The following PNPLA7 variants were observed in gnomAD, a reference collection of about 807,000 sequenced individuals.
The protein encoded by PNPLA7 is patatin like domain 7, lysophospholipase.
In PNPLA7, 153 loss-of-function variants were observed where a neutral mutation model predicts 161.7. The ratio of observed to expected loss-of-function variants is 0.95; its 90% CI spans 0.83 to 1.08. The LOEUF is 1.08. Ranked by LOEUF, PNPLA7 falls within the 50% of genes least tolerant of loss-of-function variation. The pLI, the probability that PNPLA7 is intolerant of heterozygous loss-of-function variation, is 0.00. For missense variants in PNPLA7, 1,739 were observed against 1,856.6 expected, an observed-to-expected ratio of 0.94 and a Z score of 1.16; for synonymous variants, 809 against 782.1, an observed-to-expected ratio of 1.03 and a Z score of -0.57.
rs1038487208 is a variant in PNPLA7 at position 137,478,539 on chromosome 9, G to A, written c.2764-387C>T. On this transcript the variant is annotated intron_variant, in intron 24 of 34. Coordinates refer to ENST00000406427, the MANE Select transcript of PNPLA7 (RefSeq NM_001098537.3). Reference sequence around the variant, plus strand: ...TGGACAGAGCTGTGGGCTGGGGGCCGTGAGCATGAGCAGACTCCCCACACC... The same window carrying A: ...TGGACAGAGCTGTGGGCTGGGGGCCATGAGCATGAGCAGACTCCCCACACC... 4.2e-4 allele frequency: 79 copies of A among 186,360 alleles called. 1 individual carries two copies. Among genetic ancestry groups the A allele is most frequent in the Non-Finnish European group, 1.1e-4 (10 of 91,320 alleles). 11.5% of individuals were successfully genotyped at this position (186,360 alleles called of 1,614,324 possible).
intron 19 of PNPLA7, 74 bp from the exon 20 acceptor site, chr9:137,493,156 TCAA>T (rs1419703357): frequency 1.4e-6 from 2 of 1,475,010 alleles, no homozygotes; most frequent in East Asian, 4.5e-5. Context: ...ACAGTGATGC[TCAA>T]CAACAGCGAG....
At chr9:137,529,874 G>C (rs1272852317) in intron 8 of PNPLA7, among the ~76,000 whole-genome samples, 1 of 151,948 alleles carries the variant, frequency 6.6e-6, no homozygotes. Flanking sequence ...GACCAGGCTG[G>C]TGTGGAACTC....
rs1011944279 is a variant in PNPLA7, at chr9:137,486,406, A to C, written c.2198-1670T>G. Among the ~76,000 whole-genome samples, 3 of 152,194 alleles carry C rather than the reference A, an allele frequency of 2.0e-5. No homozygotes were observed. Among genetic ancestry groups the C allele is most frequent in the African/African-American group, 7.2e-5 (3 of 41,444 alleles). Reference sequence around the variant, plus strand: ...CCGGCAATCATGTGCTCACAGGAAAATAGCTGATGACGTGCTGCTGAGCAG... The same window carrying C: ...CCGGCAATCATGTGCTCACAGGAAACTAGCTGATGACGTGCTGCTGAGCAG... On this transcript the variant is annotated intron_variant, in intron 20 of 34. Coordinates refer to ENST00000406427, the MANE Select transcript of PNPLA7 (RefSeq NM_001098537.3). The surrounding 1 kb of genome is among the most constrained non-coding windows in gnomAD (Gnocchi z 6.0).
chr9:137,536,720 C>T (rs1002776176), intron 8 of PNPLA7, among the ~76,000 whole-genome samples: 2 of 152,208 alleles, frequency 1.3e-5, no homozygotes, highest in Admixed American at 6.5e-5. Flanking sequence ...CAGATGGGAA[C>T]GTAGCATGAG....
Position 137,515,605 on chromosome 9 carries a change from G to C in PNPLA7, c.1085-86C>G. ...CCCATTCGGGGCCACGCAGGGAGCA[G>C]GGTCCCCACAGTGCCCTGCGCACCT... On this transcript the variant is annotated intron_variant, in intron 11 of 34. Coordinates refer to ENST00000406427, the MANE Select transcript of PNPLA7 (RefSeq NM_001098537.3). 2.8e-6 allele frequency: 4 copies of C among 1,433,468 alleles called. No individual in the cohort carries two copies. In the South Asian group the frequency reaches 4.4e-5, roughly 16 times the overall value. The allele number at this position is 1,433,468 out of a possible 1,614,324, so 88.8% of individuals were successfully genotyped here. A position where few individuals can be genotyped will look rare whatever the true frequency, so the allele number is the denominator to read the frequency against.
rs531533493 is a variant in PNPLA7 at position 137,476,968 on chromosome 9, G to A, written c.2882+1066C>T. 9.9e-5 allele frequency among the ~76,000 whole-genome samples: 15 copies of A among 152,262 alleles called. No homozygotes were observed. Among genetic ancestry groups the A allele is most frequent in the Admixed American group, 1.3e-4 (2 of 15,288 alleles). ...ACAGGGCCCTGCCCTGGGGCCAGCAGAAGCATCCTCGAGGCCCTGGGGCCA... is the reference window on the plus strand; with the variant it reads ...ACAGGGCCCTGCCCTGGGGCCAGCAAAAGCATCCTCGAGGCCCTGGGGCCA... On this transcript the variant is annotated intron_variant, in intron 25 of 34. Coordinates refer to ENST00000406427, the MANE Select transcript of PNPLA7 (RefSeq NM_001098537.3). The surrounding 1 kb of genome is among the most constrained non-coding windows in gnomAD (Gnocchi z 4.5).
At chr9:137,513,499 C>T (rs1373099211) in intron 12 of PNPLA7, among the ~76,000 whole-genome samples, 3 of 150,508 alleles carry the variant, frequency 2.0e-5, no homozygotes, top group Non-Finnish European at 4.4e-5. Context: ...AATTAAAAAA[C>T]AGAAATAAAT....
chr9:137,496,009 C>T (rs756645960), intron 18 of PNPLA7, among the ~76,000 whole-genome samples: 6 of 152,142 alleles, frequency 3.9e-5, no homozygotes, highest in East Asian at 3.9e-4. Context: ...CCATCAGCCC[C>T]GGGCAAAACA....
At chr9:137,498,957 T>C (rs866950946) in intron 16 of PNPLA7, among the ~76,000 whole-genome samples, 1 of 151,710 alleles carries the variant, frequency 6.6e-6, no homozygotes, top group South Asian at 2.1e-4. Context: ...GGATCTGCTT[T>C]GCACAGGAGG....
At chr9:137,461,739 C>A (rs1297944069) in intron 32 of PNPLA7, 119 bp from the exon 33 acceptor site, 2 of 1,249,366 alleles carry the variant, frequency 1.6e-6, no homozygotes, top group African/African-American at 1.5e-5. Context: ...CGCCTGCCCC[C>A]CAAGTAAGGG....
In PNPLA7 at chr9:137,463,469, C is replaced by T; in HGVS notation, c.3289G>A (p.Asp1097Asn). ...ATCAGCAGGTGTCCGTCCTTCGGGT[C>T]ACAGAGAGGGGGCATGTAACCGGAC... Reference protein sequence around the residue: ...SLSGYMPPLCDPKDGHLLMDG... With the variant: ...SLSGYMPPLCNPKDGHLLMDG... The change falls in exon 29 of 35, where the codon GAC (aspartate) becomes AAC (asparagine). Residue 1097 changes from aspartate (D) to asparagine (N), a missense_variant. By Grantham distance (23) the Asp-to-Asn change is conservative. Coordinates refer to ENST00000406427, the MANE Select transcript of PNPLA7 (RefSeq NM_001098537.3). 6.3e-7 allele frequency: 1 copy of T among 1,595,834 alleles called. No individual in the cohort carries two copies. Among genetic ancestry groups the T allele is most frequent in the Admixed American group, 1.7e-5 (1 of 57,230 alleles).
Position 137,519,974 on chromosome 9 carries a change from A to AG in PNPLA7, c.1026dup (p.Tyr343LeufsTer8). ...TTTTTAAGCCGCTCTTCTTCGCCAT[A>AG]GAACACCTGCTTCTTGGCCTTCCCG... is the stretch of plus-strand genomic sequence containing the variant. On this transcript the variant is annotated frameshift_variant, in exon 11 of 35. Transcript: ENST00000406427. LOFTEE classifies it high-confidence loss of function. The AG allele has an allele frequency of 3.1e-6, 5 of 1,612,894 alleles. No individual in the cohort carries two copies. The South Asian group carries it at 5.5e-5, about 18-fold the overall frequency.
intron 18 of PNPLA7, among the ~76,000 whole-genome samples, 188 bp downstream of exon 18, chr9:137,496,999 C>T (rs1015805231): frequency 6.6e-6 from 1 of 152,194 alleles, no homozygotes. Flanking sequence ...AAAGCAGCCG[C>T]GGGGAGTCCC....
rs766916891 is a variant in PNPLA7 at position 137,468,272 on chromosome 9, C to G, written c.2883-799G>C. 1.3e-4 allele frequency among the ~76,000 whole-genome samples: 20 copies of G among 151,904 alleles called. No homozygotes were observed. Among genetic ancestry groups the G allele is most frequent in the Non-Finnish European group, 2.9e-5 (2 of 67,990 alleles). Reference sequence around the variant, plus strand: ...CTGCTTTCATACAGAATGTCCACCACTCAACCAAAGATTACCAGTCATATG... The same window carrying G: ...CTGCTTTCATACAGAATGTCCACCAGTCAACCAAAGATTACCAGTCATATG... On this transcript the variant is annotated intron_variant, in intron 25 of 34. Coordinates refer to ENST00000406427, the MANE Select transcript of PNPLA7 (RefSeq NM_001098537.3). The surrounding 1 kb of genome is among the most constrained non-coding windows in gnomAD (Gnocchi z 4.0).
At chr9:137,522,509 C>T (rs1232382543) in intron 9 of PNPLA7, among the ~76,000 whole-genome samples, 6 of 152,232 alleles carry the variant, frequency 3.9e-5, no homozygotes, top group Non-Finnish European at 7.3e-5. Flanking sequence ...TAAAATATAA[C>T]CTTCATTATT....
intron 26 of PNPLA7, among the ~76,000 whole-genome samples, chr9:137,465,603 A>C (rs1162758158): frequency 1.3e-5 from 2 of 152,068 alleles, no homozygotes; most frequent in African/African-American, 4.8e-5. Context: ...TGACTAGGTG[A>C]CTCATTTTAG....
In PNPLA7 at chr9:137,546,878, G is replaced by C. The variant is rs1052637819; in HGVS notation, c.225C>G (p.Phe75Leu). ...AAAACATCACTTTGTCTCTCTTCCG[G>C]AACCGGTACTGAGGAGTGGGCTGTG... ...RQAQPTPQYRFRKRDKVMFYG... is the reference protein window; with the variant it reads ...RQAQPTPQYRLRKRDKVMFYG... Residue 75 changes from phenylalanine to leucine, a missense_variant, in exon 4 of 35, where the codon TTC becomes TTG. Physicochemically the swap from Phe to Leu is conservative, Grantham distance 22 (BLOSUM62 0). Transcript: ENST00000406427. The C allele has an allele frequency of 3.1e-6, 5 of 1,613,964 alleles. No individual in the cohort carries two copies. Among genetic ancestry groups the C allele is most frequent in the Middle Eastern group, 3.3e-4 (2 of 6,060 alleles).
intron 24 of PNPLA7, chr9:137,478,441 A>G (rs988289964): frequency 8.5e-5 from 26 of 304,720 alleles, no homozygotes; most frequent in Non-Finnish European, 1.3e-4. Context: ...GGGGGCCAGA[A>G]GGCATCCTCA....
intron 8 of PNPLA7, among the ~76,000 whole-genome samples, chr9:137,530,942 C>G (rs1835551323): frequency 6.6e-6 from 1 of 152,150 alleles, no homozygotes; most frequent in Admixed American, 6.5e-5. Context: ...GCACAACTGG[C>G]CGACACTCAG....
Sources: allele counts gnomAD v4.1 joint callset (sites outside exome capture counted in the v4.1 genomes callset), GRCh38; gene constraint gnomAD v4.1.1; non-coding constraint Gnocchi (gnomAD v3.1); transcripts MANE v1.5; gene names NCBI Gene and HGNC (gene_info 2026-07-23, HGNC 2026-07-21).